Variants in C3orf20 observed in about 807,000 individuals in gnomAD.
The protein encoded by C3orf20 is uncharacterized protein C3orf20.
C3orf20 carries 76 observed loss-of-function variants against 88.3 expected under a neutral mutation model. The ratio of observed to expected loss-of-function variants is 0.86; its 90% confidence interval spans 0.72 to 1.04. The LOEUF is 1.04. Among genes scored for constraint, C3orf20 ranks in the 50% least tolerant of loss-of-function variants. The pLI, the probability that C3orf20 is intolerant of heterozygous loss-of-function variation, is 0.00. For missense variants in C3orf20, 1,056 were observed against 1,123.3 expected (o/e 0.94, Z 0.86); for synonymous variants, 436 against 437.4 (o/e 1.00, Z 0.04).
At chr3:14,741,868 G>C (rs2034909205) in intron 12 of C3orf20, among the ~76,000 whole-genome samples, 2 of 152,148 alleles carry the variant, frequency 1.3e-5, no homozygotes, top group Non-Finnish European at 2.9e-5. Context: ...GGGTTACGTA[G>C]AAATTTCTAG....
intron 7 of C3orf20, among the ~76,000 whole-genome samples, chr3:14,706,645 C>G (rs2033515121): frequency 6.7e-6 from 1 of 150,106 alleles, no homozygotes; most frequent in African/African-American, 2.5e-5. Flanking sequence ...GCAATTAATG[C>G]TCTTCTCTTT....
At chr3:14,766,341 T>A (rs1480419002) in intron 15 of C3orf20, among the ~76,000 whole-genome samples, 2 of 152,108 alleles carry the variant, frequency 1.3e-5, no homozygotes, top group African/African-American at 4.8e-5. Context: ...TCATCCTCAC[T>A]CCCGAAAGCT....
intron 12 of C3orf20, among the ~76,000 whole-genome samples, chr3:14,740,410 A>G (rs1351007174): frequency 6.6e-6 from 1 of 152,226 alleles, no homozygotes; most frequent in Non-Finnish European, 1.5e-5. Flanking sequence ...TGGTGCCCCC[A>G]AACAATTACA....
At chr3:14,771,591 G>T (rs547692582) in intron 15 of C3orf20, among the ~76,000 whole-genome samples, 1 of 152,360 alleles carries the variant, frequency 6.6e-6, no homozygotes, top group African/African-American at 2.4e-5. Context: ...TGTTGGATTG[G>T]ACCCACCCTC....
intron 7 of C3orf20, among the ~76,000 whole-genome samples, chr3:14,713,180 T>C (rs1463783789): frequency 6.6e-6 from 1 of 152,198 alleles, no homozygotes; most frequent in Non-Finnish European, 1.5e-5. Context: ...TTCTTGAACA[T>C]GTATATTATT....
At chr3:14,695,763 T>C (rs575547471) in intron 5 of C3orf20, among the ~76,000 whole-genome samples, 4 of 152,350 alleles carry the variant, frequency 2.6e-5, no homozygotes, top group African/African-American at 9.6e-5. Context: ...TCTCTTTCTA[T>C]AGTTTTTGTT....
At chr3:14,758,535 T>A (rs1279922157) in intron 13 of C3orf20, among the ~76,000 whole-genome samples, 1 of 152,212 alleles carries the variant, frequency 6.6e-6, no homozygotes, top group Non-Finnish European at 1.5e-5. Flanking sequence ...GAGCAAAGGA[T>A]GGCACATGAG....
chr3:14,767,747 A>G (rs750844061), intron 15 of C3orf20, among the ~76,000 whole-genome samples: 2 of 152,256 alleles, frequency 1.3e-5, no homozygotes, highest in Admixed American at 6.5e-5. Flanking sequence ...GGAAGCAGCA[A>G]TGTGCCCTGT....
intron 9 of C3orf20, among the ~76,000 whole-genome samples, chr3:14,720,711 C>T (rs149422299): frequency 3.0e-4 from 45 of 152,290 alleles, no homozygotes; most frequent in African/African-American, 8.9e-4. Context: ...AGGGTCCCTG[C>T]GTATAAATTG....
At chr3:14,714,392 A>G (rs990040118) in intron 8 of C3orf20, among the ~76,000 whole-genome samples, 3 of 152,160 alleles carry the variant, frequency 2.0e-5, no homozygotes, top group African/African-American at 7.2e-5. Flanking sequence ...CACCTTCCCA[A>G]GTCCTACTCC....
intron 7 of C3orf20, among the ~76,000 whole-genome samples, chr3:14,711,139 C>A (rs2033721871): frequency 2.0e-5 from 3 of 152,106 alleles, no homozygotes; most frequent in Admixed American, 1.3e-4. Context: ...CTCAGGTGAT[C>A]CATCCGCCTT....
intron 8 of C3orf20, 22 bp downstream of exon 8, chr3:14,714,181 T>C: frequency 6.2e-7 from 1 of 1,611,844 alleles, no homozygotes; most frequent in Non-Finnish European, 8.5e-7. Flanking sequence ...GGGAGAGTAC[T>C]AGTCACACGG....
intron 15 of C3orf20, among the ~76,000 whole-genome samples, chr3:14,764,743 C>T (rs994830303): frequency 6.6e-6 from 1 of 152,162 alleles, no homozygotes; most frequent in Non-Finnish European, 1.5e-5. Context: ...TGGGCTTCCT[C>T]ACAACATGGT....
At chr3:14,704,309 G>A in intron 6 of C3orf20, 28 bp from the exon 7 acceptor site, 1 of 1,611,140 alleles carries the variant, frequency 6.2e-7, no homozygotes. Context: ...CAAAAGGCTA[G>A]ACAATATATT....
chr3:14,717,429 G>A (rs2033983051), intron 9 of C3orf20, among the ~76,000 whole-genome samples: 1 of 152,098 alleles, frequency 6.6e-6, no homozygotes. Context: ...AGAGGAGGAG[G>A]AGGCAAAAAT....
intron 4 of C3orf20, among the ~76,000 whole-genome samples, chr3:14,688,334 A>G (rs2032538676): frequency 6.6e-6 from 1 of 151,670 alleles, no homozygotes; most frequent in Admixed American, 6.6e-5. Flanking sequence ...GTTCAAGACC[A>G]GCCTGGCCAA....
At chr3:14,764,817 C>A (rs1339503536) in intron 15 of C3orf20, 1 of 152,226 alleles carries the variant, frequency 6.6e-6, no homozygotes, top group East Asian at 1.9e-4. Context: ...GCCTTTCATG[C>A]CTTAGCCTCA....
chr3:14,713,842 A>G (rs893130381), intron 7 of C3orf20, among the ~76,000 whole-genome samples, 165 bp from the exon 8 acceptor site: 4 of 152,232 alleles, frequency 2.6e-5, no homozygotes, highest in Non-Finnish European at 1.5e-5. Context: ...GTTGGGTTCC[A>G]TAATCATATA....
chr3:14,722,020 G>A (rs2034182114), intron 10 of C3orf20: 2 of 489,124 alleles, frequency 4.1e-6, no homozygotes, highest in Non-Finnish European at 7.3e-6. Flanking sequence ...ACTAGCTTAA[G>A]CATGAAAAAA....
Sources: allele counts gnomAD v4.1 joint callset (sites outside exome capture counted in the v4.1 genomes callset), GRCh38; gene constraint gnomAD v4.1.1; transcripts MANE v1.5; gene names NCBI Gene and HGNC (gene_info 2026-07-23, HGNC 2026-07-21).